Variants in UTP23 observed in about 807,000 individuals in gnomAD.
UTP23 encodes the protein UTP23 small subunit processome component.
Under a neutral mutation model 19.8 loss-of-function variants are expected in UTP23, and 10 were observed. The ratio of observed to expected loss-of-function variants is 0.50; its 90% CI spans 0.31 to 0.86. The LOEUF (loss-of-function observed/expected upper bound fraction) is 0.86. UTP23 is among the 40% of genes least tolerant of loss of function. The probability of loss-of-function intolerance (pLI) is 0.05; values close to 1 mark genes in which losing one functional copy is unlikely to be tolerated. For missense variants in UTP23, 282 were observed against 293.1 expected, an observed-to-expected ratio of 0.96 and a Z score of 0.28; for synonymous variants, 108 against 105.4, an observed-to-expected ratio of 1.02 and a Z score of -0.15.
Position 116,774,246 on chromosome 8 carries a change from A to G in UTP23, c.*2404A>G. Reference sequence around the variant, plus strand: ...CAGTTGTGTATGGGCACGATACTGTATTCTTTACATTTTTATGGCCCTACA... The same window carrying G: ...CAGTTGTGTATGGGCACGATACTGTGTTCTTTACATTTTTATGGCCCTACA... On this transcript the variant is annotated 3_prime_UTR_variant, in exon 3 of 3. Coordinates refer to ENST00000309822, the MANE Select transcript of UTP23 (RefSeq NM_032334.3). 2.0e-6 allele frequency: 2 copies of G among 985,380 alleles called. No individual in the cohort carries two copies. The highest frequency in any genetic ancestry group is 1.7e-5 in the African/African-American group (1 of 57,340). The allele number at this position is 985,380 out of a possible 1,614,324, so 61.0% of individuals were successfully genotyped here. A position where few individuals can be genotyped will look rare whatever the true frequency, so the allele number is the denominator to read the frequency against.
rs1301923435 is a variant in UTP23 at position 116,773,855 on chromosome 8, A to G, written c.*2013A>G. ...TTTACTATTTTAAAACTGGTTAATC[A>G]TTTATGTATTTTGCCAGTAAAATTA... On this transcript the variant is annotated 3_prime_UTR_variant, in exon 3 of 3. Transcript: ENST00000309822. 2 of 825,166 alleles carry G rather than the reference A, an allele frequency of 2.4e-6. No individual in the cohort carries two copies. Among genetic ancestry groups the G allele is most frequent in the Admixed American group, 1.2e-4 (2 of 16,024 alleles). The allele number at this position is 825,166 out of a possible 1,614,324, so 51.1% of individuals were successfully genotyped here. A position where few individuals can be genotyped will look rare whatever the true frequency, so the allele number is the denominator to read the frequency against.
rs1287152627 is a variant in UTP23, at chr8:116,766,682, C to T, written c.79C>T (p.Gln27Ter). The T allele has an allele frequency of 1.2e-6, 2 of 1,613,800 alleles. No homozygotes were observed. Among genetic ancestry groups the T allele is most frequent in the Non-Finnish European group, 1.7e-6 (2 of 1,179,884 alleles). Residue 27 changes from glutamine (Q) to a stop codon, truncating the protein, a stop_gained, in exon 1 of 3, where the codon CAG (glutamine) becomes TAG (stop). Transcript: ENST00000309822. LOFTEE classifies it high-confidence loss of function. ...RNNFGVREPYQILLDGTFCQA... is the reference protein window; with the variant it reads ...RNNFGVREPY Reference sequence around the variant, plus strand: ...CAACTTCGGAGTCCGCGAGCCGTACCAGATCCTGCTGGACGGCACCTTCTG... The same window carrying T: ...CAACTTCGGAGTCCGCGAGCCGTACTAGATCCTGCTGGACGGCACCTTCTG...
At position 116,773,430 on chromosome 8, in the gene UTP23, A is replaced by T; in HGVS notation, c.*1588A>T. 1 of 979,178 alleles carries T rather than the reference A, an allele frequency of 1.0e-6. No individual in the cohort carries two copies. The highest frequency in any genetic ancestry group is 1.2e-6 in the Non-Finnish European group (1 of 824,198). The allele number at this position is 979,178 out of a possible 1,614,324, so 60.7% of individuals were successfully genotyped here. On this transcript the variant is annotated 3_prime_UTR_variant, in exon 3 of 3. Coordinates refer to ENST00000309822, the MANE Select transcript of UTP23 (RefSeq NM_032334.3). ...AGTCAGTGCTATCTGATTACCTGTT[A>T]ATAGCATCTGAACTGGAGAGCTGGA... is the stretch of plus-strand genomic sequence containing the variant.
Position 116,771,632 on chromosome 8 carries a change from G to A in UTP23, c.540G>A (p.Glu180=). 1 of 1,611,160 alleles carries A rather than the reference G, an allele frequency of 6.2e-7. No individual in the cohort carries two copies. Among genetic ancestry groups the A allele is most frequent in the East Asian group, 2.2e-5 (1 of 44,838 alleles). ...HEKESIKHLK[E]EQGLVKNTEQ... is the part of the protein sequence containing the mutation. ...AAGAAAGTATCAAACATCTCAAAGA[G>A]GAACAGGGTTTAGTGAAAAACACTG... is the stretch of plus-strand genomic sequence containing the variant. Residue 180 remains glutamate, a synonymous_variant, in exon 3 of 3, where the codon GAG becomes GAA. Coordinates refer to ENST00000309822, the MANE Select transcript of UTP23 (RefSeq NM_032334.3).
intron 1 of UTP23, chr8:116,769,977 A>G (rs1186873783): frequency 4.9e-6 from 2 of 405,210 alleles, no homozygotes; most frequent in East Asian, 3.6e-5. Context: ...AGCAATTTGC[A>G]TACTACATGG....
In UTP23 at chr8:116,771,839, A is replaced by G; in HGVS notation, c.747A>G (p.Glu249=). The G allele has an allele frequency of 1.9e-6, 3 of 1,570,224 alleles. No individual in the cohort carries two copies. The highest frequency in any genetic ancestry group is 1.7e-6 in the Non-Finnish European group (2 of 1,167,318). The change falls in exon 3 of 3, where the codon GAA becomes GAG. Residue 249 remains glutamate, a synonymous_variant. Coordinates refer to ENST00000309822, the MANE Select transcript of UTP23 (RefSeq NM_032334.3). ...CTGAGAAGCAGAATGCAGAAGGAGA[A>G]TGAATCCTTTGGATACTTTCAAGGA... is the stretch of plus-strand genomic sequence containing the variant. ...VLSEKQNAEG[E]
Position 116,772,608 on chromosome 8 carries a change from T to TTTTG in UTP23, c.*779_*782dup. On this transcript the variant is annotated 3_prime_UTR_variant, in exon 3 of 3. Transcript: ENST00000309822. ...ATTTTCATTATTATGACTAGAGTTT[T>TTTTG]TTTGTTTGTTTGTTTGAGTTCTACT... 1 of 984,612 alleles carries TTTTG rather than the reference T, an allele frequency of 1.0e-6. No homozygotes were observed. The highest frequency in any genetic ancestry group is 1.2e-6 in the Non-Finnish European group (1 of 829,176). The allele number at this position is 984,612 out of a possible 1,614,324, so 61.0% of individuals were successfully genotyped here. A position where few individuals can be genotyped will look rare whatever the true frequency, so the allele number is the denominator to read the frequency against.
intron 1 of UTP23, among the ~76,000 whole-genome samples, chr8:116,769,880 T>C (rs1176012857): frequency 6.6e-6 from 1 of 152,176 alleles, no homozygotes; most frequent in Non-Finnish European, 1.5e-5. Context: ...AATCTCAGAA[T>C]GGGGTGCTCT....
Position 116,766,717 on chromosome 8 carries a change from G to C in UTP23, c.114G>C (p.Ala38=). 1.2e-6 allele frequency: 2 copies of C among 1,610,948 alleles called. No individual in the cohort carries two copies. Among genetic ancestry groups the C allele is most frequent in the Non-Finnish European group, 1.7e-6 (2 of 1,178,628 alleles). Residue 38 remains alanine, a synonymous_variant, in exon 1 of 3, where the codon GCG becomes GCC. Coordinates refer to ENST00000309822, the MANE Select transcript of UTP23 (RefSeq NM_032334.3). ...TGGACGGCACCTTCTGTCAGGCGGC[G>C]CTGCGGGGCCGCATCCAGCTGCGGG... ...ILLDGTFCQA[A]LRGRIQLREQ... is the part of the protein sequence containing the mutation.
chr8:116,774,139 T>A lies in UTP23; in HGVS notation c.*2297T>A. Reference sequence around the variant, plus strand: ...GATAAAAGTGTAATACATGCACTTTTGAACTCTGAAAGTTTGCCAATCTGA... The same window carrying A: ...GATAAAAGTGTAATACATGCACTTTAGAACTCTGAAAGTTTGCCAATCTGA... On this transcript the variant is annotated 3_prime_UTR_variant, in exon 3 of 3. Coordinates refer to ENST00000309822, the MANE Select transcript of UTP23 (RefSeq NM_032334.3). 1 of 985,430 alleles carries A rather than the reference T, an allele frequency of 1.0e-6. No homozygotes were observed. Among genetic ancestry groups the A allele is most frequent in the Non-Finnish European group, 1.2e-6 (1 of 829,922 alleles). 61.0% of individuals were successfully genotyped at this position (985,430 alleles called of 1,614,324 possible). A position where few individuals can be genotyped will look rare whatever the true frequency, so the allele number is the denominator to read the frequency against.
Position 116,772,932 on chromosome 8 carries a change from G to C in UTP23, c.*1090G>C. 1 of 985,394 alleles carries C rather than the reference G, an allele frequency of 1.0e-6. No individual in the cohort carries two copies. The highest frequency in any genetic ancestry group is 1.7e-5 in the African/African-American group (1 of 57,346). The allele number at this position is 985,394 out of a possible 1,614,324, so 61.0% of individuals were successfully genotyped here. A position where few individuals can be genotyped will look rare whatever the true frequency, so the allele number is the denominator to read the frequency against. ...TCGTATCAGTAGTTCCTGACTGACAGCTTCTGGAGCCACACTAGAGCAGTG... is the reference window on the plus strand; with the variant it reads ...TCGTATCAGTAGTTCCTGACTGACACCTTCTGGAGCCACACTAGAGCAGTG... On this transcript the variant is annotated 3_prime_UTR_variant, in exon 3 of 3. Coordinates refer to ENST00000309822, the MANE Select transcript of UTP23 (RefSeq NM_032334.3).
chr8:116,774,135 C>T lies in UTP23; in HGVS notation c.*2293C>T, dbSNP rs1815694225. ...TGGGGATAAAAGTGTAATACATGCA[C>T]TTTTGAACTCTGAAAGTTTGCCAAT... is the stretch of plus-strand genomic sequence containing the variant. On this transcript the variant is annotated 3_prime_UTR_variant, in exon 3 of 3. Transcript: ENST00000309822. 1 of 985,220 alleles carries T rather than the reference C, an allele frequency of 1.0e-6. No individual in the cohort carries two copies. Among genetic ancestry groups the T allele is most frequent in the African/African-American group, 1.7e-5 (1 of 57,204 alleles). The allele number at this position is 985,220 out of a possible 1,614,324, so 61.0% of individuals were successfully genotyped here.
At chr8:116,767,294 G>A (rs1488284436) in intron 1 of UTP23, among the ~76,000 whole-genome samples, 3 of 152,200 alleles carry the variant, frequency 2.0e-5, no homozygotes, top group Admixed American at 6.5e-5. Context: ...GTGAACCTGT[G>A]AGTTACCATC....
At position 116,770,212 on chromosome 8, in the gene UTP23, A is replaced by C. The variant is rs923413844; in HGVS notation, c.209A>C (p.Glu70Ala). Residue 70 changes from glutamate to alanine, a missense_variant, in exon 2 of 3, where the codon GAA becomes GCA. Coordinates refer to ENST00000309822, the MANE Select transcript of UTP23 (RefSeq NM_032334.3). ...CTTRCVLKEL[E>A]TLGKDLYGAK... ...TTCAGATGTGTGTTAAAAGAGCTAG[A>C]AACATTGGGAAAGGACTTATATGGG... 2.5e-6 allele frequency: 4 copies of C among 1,611,254 alleles called. No individual in the cohort carries two copies. The African/African-American group carries it at 4.0e-5, about 16-fold the overall frequency.
At chr8:116,766,893 A>C (rs2131020744) in intron 1 of UTP23, 102 bp downstream of exon 1, 1 of 1,179,968 alleles carries the variant, frequency 8.5e-7, no homozygotes, top group Non-Finnish European at 1.2e-6. Flanking sequence ...GGAGGTGCAA[A>C]ACGCCCCGCC....
chr8:116,773,925 G>GT lies in UTP23; in HGVS notation c.*2090dup, dbSNP rs931520355. 2 of 984,360 alleles carry GT rather than the reference G, an allele frequency of 2.0e-6. No individual in the cohort carries two copies. Among genetic ancestry groups the GT allele is most frequent in the African/African-American group, 1.7e-5 (1 of 57,162 alleles). The allele number at this position is 984,360 out of a possible 1,614,324, so 61.0% of individuals were successfully genotyped here. On this transcript the variant is annotated 3_prime_UTR_variant, in exon 3 of 3. Transcript: ENST00000309822. ...AAAAGTCTCATATCCTTGTACTTCA[G>GT]TTTTTTTGTGTGTGAATACTATCCC...
Position 116,774,673 on chromosome 8 carries a change from AT to A in UTP23, c.*2835del. 1.2e-6 allele frequency: 1 copy of A among 834,312 alleles called. No individual in the cohort carries two copies. Among genetic ancestry groups the A allele is most frequent in the Non-Finnish European group, 1.4e-6 (1 of 693,816 alleles). 51.7% of individuals were successfully genotyped at this position (834,312 alleles called of 1,614,324 possible). ...TATTTTGCCGGTAAAATTAAAAGAT[AT>A]TTTAACAAAAGTCTCATCTCCTTGT... On this transcript the variant is annotated 3_prime_UTR_variant, in exon 3 of 3. Coordinates refer to ENST00000309822, the MANE Select transcript of UTP23 (RefSeq NM_032334.3).
chr8:116,772,099 T>C lies in UTP23; in HGVS notation c.*257T>C. ...CAGGAGGCTGAGGCATGAGAATCGCTTGAACCTGGGAGGCAGAGATTGCAG... is the reference window on the plus strand; with the variant it reads ...CAGGAGGCTGAGGCATGAGAATCGCCTGAACCTGGGAGGCAGAGATTGCAG... On this transcript the variant is annotated 3_prime_UTR_variant, in exon 3 of 3. Coordinates refer to ENST00000309822, the MANE Select transcript of UTP23 (RefSeq NM_032334.3). The C allele has an allele frequency of 2.7e-6, 3 of 1,103,032 alleles. No individual in the cohort carries two copies. Among genetic ancestry groups the C allele is most frequent in the Non-Finnish European group, 3.3e-6 (3 of 903,216 alleles). The allele number at this position is 1,103,032 out of a possible 1,614,324, so 68.3% of individuals were successfully genotyped here.
At chr8:116,768,042 G>A (rs572513550) in intron 1 of UTP23, among the ~76,000 whole-genome samples, 2 of 152,210 alleles carry the variant, frequency 1.3e-5, no homozygotes, top group South Asian at 4.1e-4. Flanking sequence ...AGCAACGTAG[G>A]AAACCCCCAT....
Sources: allele counts gnomAD v4.1 joint callset (sites outside exome capture counted in the v4.1 genomes callset), GRCh38; gene constraint gnomAD v4.1.1; transcripts MANE v1.5; gene names NCBI Gene and HGNC (gene_info 2026-07-23, HGNC 2026-07-21).